TBC1D9: variants seen among roughly 807,000 people sequenced by gnomAD.
TBC1D9 encodes the protein TBC1 domain family member 9.
Under a neutral mutation model 132.0 loss-of-function variants are expected in TBC1D9, and 63 were observed. The observed-to-expected ratio is 0.48, with a 90% confidence interval of 0.39 to 0.59. TBC1D9 has a LOEUF of 0.59. Among genes scored for constraint, TBC1D9 ranks in the 20% least tolerant of loss-of-function variants. TBC1D9 has a pLI of 0.00. For synonymous variants in TBC1D9, 610 were observed against 609.9 expected, an observed-to-expected ratio of 1.00 and a Z score of 0.00; for missense variants, 1,261 against 1,592.7, an observed-to-expected ratio of 0.79 and a Z score of 3.54.
intron 1 of TBC1D9, among the ~76,000 whole-genome samples, chr4:140,744,098 A>G (rs897873118): frequency 6.6e-6 from 1 of 152,192 alleles, no homozygotes; most frequent in Non-Finnish European, 1.5e-5. Context: ...AAATTATCTT[A>G]AAGTTGATAA....
chr4:140,682,070 C>T (rs1737711839), intron 3 of TBC1D9, among the ~76,000 whole-genome samples: 1 of 151,888 alleles, frequency 6.6e-6, no homozygotes. Context: ...TGTTGTTTTT[C>T]CAAATTAAAA....
rs1736739656 is a variant in TBC1D9, at chr4:140,628,319, G to A, written c.2793C>T (p.Tyr931=). The A allele has an allele frequency of 6.2e-7, 1 of 1,613,920 alleles. No individual in the cohort carries two copies. Residue 931 remains tyrosine (Y), a synonymous_variant, in exon 17 of 21, where the codon TAC becomes TAT. Coordinates refer to ENST00000442267, the MANE Select transcript of TBC1D9 (RefSeq NM_015130.3). Reference sequence around the variant, plus strand: ...ACTCACCAGGCAAGACGTGCATTTTGTACAGGAGTTTGAGCTTCTCTGTGA... The same window carrying A: ...ACTCACCAGGCAAGACGTGCATTTTATACAGGAGTTTGAGCTTCTCTGTGA... ...GDLTEKLKLL[Y]KMHVLPEPSS... is the part of the protein sequence containing the mutation.
Position 140,657,562 on chromosome 4 carries a change from G to C in TBC1D9, c.2172C>G (p.Cys724Trp). ...LDANVDKLLN[C>W]KDDGEAMTVL... Reference sequence around the variant, plus strand: ...CGGTCATGGCCTCCCCATCATCCTTGCAGTTCAACAGTTTGTCCACATTTG... The same window carrying C: ...CGGTCATGGCCTCCCCATCATCCTTCCAGTTCAACAGTTTGTCCACATTTG... The change falls in exon 12 of 21, where the codon TGC becomes TGG. Residue 724 changes from cysteine (C) to tryptophan (W), a missense_variant. By Grantham distance (215) the Cys-to-Trp change is radical (BLOSUM62 -2). Transcript: ENST00000442267. 5 of 1,613,914 alleles carry C rather than the reference G, an allele frequency of 3.1e-6. No individual in the cohort carries two copies. The highest frequency in any genetic ancestry group is 4.2e-6 in the Non-Finnish European group (5 of 1,179,866).
chr4:140,686,242 G>C lies in TBC1D9; in HGVS notation c.360+102C>G. ...GTAAAATGTTAACAGGTGAATTTGG[G>C]CAAAGGGTATACAGGTATGTTTTAC... On this transcript the variant is annotated intron_variant, in intron 3 of 20. Coordinates refer to ENST00000442267, the MANE Select transcript of TBC1D9 (RefSeq NM_015130.3). 4.2e-6 allele frequency: 3 copies of C among 706,424 alleles called. No homozygotes were observed. In the South Asian group the frequency reaches 6.1e-5, roughly 14 times the overall value. The allele number at this position is 706,424 out of a possible 1,614,324, so 43.8% of individuals were successfully genotyped here. A position where few individuals can be genotyped will look rare whatever the true frequency, so the allele number is the denominator to read the frequency against.
At chr4:140,632,228 G>A (rs1042297011) in intron 16 of TBC1D9, among the ~76,000 whole-genome samples, 4 of 148,020 alleles carry the variant, frequency 2.7e-5, no homozygotes, top group South Asian at 2.1e-4. Context: ...TGTAGAACCC[G>A]TCTCTTTTTT....
chr4:140,693,051 C>CA (rs200509731), intron 2 of TBC1D9, among the ~76,000 whole-genome samples: 6,649 of 151,844 alleles, frequency 0.044, 211 homozygotes, highest in Non-Finnish European at 0.069. Context: ...CAAAAAACAA[C>CA]AAAAAAACTG....
chr4:140,699,350 G>A (rs1283625520), intron 2 of TBC1D9, among the ~76,000 whole-genome samples: 1 of 152,138 alleles, frequency 6.6e-6, no homozygotes, highest in African/African-American at 2.4e-5. Flanking sequence ...TCCCTCCAAA[G>A]AGAATACTTT....
At chr4:140,736,822 G>A (rs1738680122) in intron 1 of TBC1D9, among the ~76,000 whole-genome samples, 1 of 152,202 alleles carries the variant, frequency 6.6e-6, no homozygotes, top group Admixed American at 6.5e-5. Context: ...AAAAGGAAAT[G>A]CCAACACACT....
Position 140,714,445 on chromosome 4 carries a change from C to T in TBC1D9, c.131-12831G>A, listed in dbSNP as rs376742091. On this transcript the variant is annotated intron_variant, in intron 1 of 20. Coordinates refer to ENST00000442267, the MANE Select transcript of TBC1D9 (RefSeq NM_015130.3). Reference sequence around the variant, plus strand: ...GTGGATTCAAGGATTTTCTTAATGGCGATTGAAAGTTATGATCTAAAGACT... The same window carrying T: ...GTGGATTCAAGGATTTTCTTAATGGTGATTGAAAGTTATGATCTAAAGACT... 5.2e-4 allele frequency among the ~76,000 whole-genome samples: 79 copies of T among 152,104 alleles called. 1 individual carries two copies. The highest frequency in any genetic ancestry group is 1.8e-3 in the African/African-American group (74 of 41,472).
intron 1 of TBC1D9, among the ~76,000 whole-genome samples, chr4:140,750,199 T>G (rs1738899210): frequency 6.6e-6 from 1 of 151,096 alleles, no homozygotes; most frequent in East Asian, 1.9e-4. Context: ...TACTTAACAA[T>G]GAACAAATGT....
At chr4:140,649,050 A>G (rs1417702446) in intron 13 of TBC1D9, among the ~76,000 whole-genome samples, 2 of 152,232 alleles carry the variant, frequency 1.3e-5, no homozygotes, top group Admixed American at 6.5e-5. Context: ...ACAGATACAG[A>G]TTTTTAAAAG....
Position 140,677,104 on chromosome 4 carries a change from G to C in TBC1D9, c.852-3C>G. On this transcript the variant is annotated splice_polypyrimidine_tract_variant and splice_region_variant and intron_variant, in intron 5 of 20. Transcript: ENST00000442267. ...TCTTTGCCCTGGCATCAAGATCACT[G>C]GAAAGCAATAATTACAATTCACATA... The C allele has an allele frequency of 1.2e-6, 2 of 1,613,294 alleles. No individual in the cohort carries two copies. Among genetic ancestry groups the C allele is most frequent in the Non-Finnish European group, 1.7e-6 (2 of 1,179,818 alleles).
At chr4:140,731,582 T>C (rs1190750801) in intron 1 of TBC1D9, among the ~76,000 whole-genome samples, 2 of 151,934 alleles carry the variant, frequency 1.3e-5, no homozygotes, top group East Asian at 3.9e-4. Flanking sequence ...CACAAAAGGG[T>C]AAATGGTTTC....
intron 6 of TBC1D9, among the ~76,000 whole-genome samples, chr4:140,671,235 G>T (rs1248881931): frequency 6.6e-6 from 1 of 152,096 alleles, no homozygotes; most frequent in Non-Finnish European, 1.5e-5. Context: ...GTTGTCACAG[G>T]TAGAGGGATA....
chr4:140,642,089 G>A, intron 13 of TBC1D9: 1 of 715,910 alleles, frequency 1.4e-6, no homozygotes, highest in South Asian at 1.5e-5. Context: ...GCGGAGGAGG[G>A]GGTGTGTGCC....
At position 140,679,111 on chromosome 4, in the gene TBC1D9, T is replaced by C. The variant is rs1053317047; in HGVS notation, c.682A>G (p.Ser228Gly). The stretch of plus-strand genomic sequence containing the variant: ...AGGAATACAGAGAAGAAATGCTCAC[T>C]GGACCGTGTGCTCACTTTGATCACA... ...PDVIKVSTRS[S>G]EHFFSVFLNI... The change falls in exon 5 of 21, where the codon AGT becomes GGT. Residue 228 changes from serine to glycine, a missense_variant. Physicochemically the swap from Ser to Gly is moderately conservative, Grantham distance 56. Around this residue, in one of 3 missense-constraint regions of TBC1D9, gnomAD observed 550 missense variants for 699.0 expected, o/e 0.79. Coordinates refer to ENST00000442267, the MANE Select transcript of TBC1D9 (RefSeq NM_015130.3). 1.9e-6 allele frequency: 3 copies of C among 1,613,942 alleles called. No individual in the cohort carries two copies. The highest frequency in any genetic ancestry group is 2.5e-6 in the Non-Finnish European group (3 of 1,179,852).
intron 1 of TBC1D9, among the ~76,000 whole-genome samples, chr4:140,749,359 A>G (rs1312519011): frequency 1.3e-5 from 2 of 152,208 alleles, no homozygotes; most frequent in African/African-American, 4.8e-5. Flanking sequence ...TAACTTAAAA[A>G]GAATTATTCC....
intron 1 of TBC1D9, among the ~76,000 whole-genome samples, chr4:140,720,928 A>G (rs1738413884): frequency 6.6e-6 from 1 of 152,256 alleles, no homozygotes; most frequent in Non-Finnish European, 1.5e-5. Flanking sequence ...CAGGAGCCAC[A>G]GTGGCCCAAC....
chr4:140,657,852 A>T, intron 11 of TBC1D9, 40 bp from the exon 12 acceptor site: 1 of 1,576,632 alleles, frequency 6.3e-7, no homozygotes, highest in Non-Finnish European at 8.6e-7. Flanking sequence ...AGCTTAGCCA[A>T]CTACACAGTG....
Sources: gnomAD v4.1 joint callset for allele counts (sites outside exome capture counted in the v4.1 genomes callset) on GRCh38, gnomAD v4.1.1 for gene constraint, gnomAD v4.1.1 regional missense constraint, MANE v1.5 for transcripts, NCBI Gene and HGNC (gene_info 2026-07-23, HGNC 2026-07-21) for gene names.